RNF13: variants seen among roughly 807,000 people sequenced by gnomAD.
The protein encoded by RNF13 is ring finger protein 13, also known as E3 ubiquitin-protein ligase RNF13.
A neutral mutation model predicts 37.7 loss-of-function variants in RNF13; 19 were observed. The observed-to-expected ratio is 0.50, with a 90% CI of 0.35 to 0.74. The LOEUF is 0.74. Among genes scored for constraint, RNF13 ranks in the 30% least tolerant of loss-of-function variants. The pLI is 0.01. For synonymous variants in RNF13, 144 were observed against 157.8 expected, an observed-to-expected ratio of 0.91 and a Z score of 0.65; for missense variants, 375 against 453.0, an observed-to-expected ratio of 0.83 and a Z score of 1.56.
chr3:149,813,645 C>T (rs1719131243), intron 1 of RNF13, among the ~76,000 whole-genome samples: 1 of 152,164 alleles, frequency 6.6e-6, no homozygotes, highest in Admixed American at 6.5e-5. Context: ...CAAGAGCCTG[C>T]CTGGAAAACA....
intron 1 of RNF13, among the ~76,000 whole-genome samples, chr3:149,839,969 T>C (rs1355712816): frequency 6.6e-6 from 1 of 152,216 alleles, no homozygotes; most frequent in East Asian, 1.9e-4. Flanking sequence ...TTGTAGAAAT[T>C]GGGGCATTAC....
chr3:149,902,753 C>A (rs1338455472), intron 6 of RNF13, among the ~76,000 whole-genome samples: 3 of 152,120 alleles, frequency 2.0e-5, no homozygotes, highest in African/African-American at 7.2e-5. Context: ...ACAATAAACA[C>A]TTCAGAACTT....
At chr3:149,884,540 T>G (rs1260398892) in intron 4 of RNF13, among the ~76,000 whole-genome samples, 2 of 152,182 alleles carry the variant, frequency 1.3e-5, no homozygotes, top group East Asian at 1.9e-4. Flanking sequence ...ACTGTATGCA[T>G]GCATATGCCA....
intron 4 of RNF13, among the ~76,000 whole-genome samples, chr3:149,891,563 G>A (rs16862286): frequency 0.042 from 6,398 of 152,276 alleles, 182 homozygotes; most frequent in African/African-American, 0.075. Context: ...CCTGGTCTAT[G>A]TAATTTAGTT....
intron 1 of RNF13, among the ~76,000 whole-genome samples, chr3:149,816,400 C>T (rs1312647264): frequency 6.6e-6 from 1 of 152,074 alleles, no homozygotes; most frequent in Non-Finnish European, 1.5e-5. Flanking sequence ...TTGCTGGTGA[C>T]CTTGGGGAAG....
chr3:149,826,978 G>A (rs1489040533), intron 1 of RNF13, among the ~76,000 whole-genome samples: 1 of 152,104 alleles, frequency 6.6e-6, no homozygotes, highest in African/African-American at 2.4e-5. Flanking sequence ...GGGTGGTCTT[G>A]AACTCCTGGG....
At chr3:149,860,270 AATATATATAT>A (rs1186058605) in intron 3 of RNF13, among the ~76,000 whole-genome samples, 13 of 104,096 alleles carry the variant, frequency 1.2e-4, no homozygotes, top group African/African-American at 5.1e-4. Flanking sequence ...AAAAAAAAAA[AATATATATAT>A]ATATATATAT....
At chr3:149,817,519 A>G (rs1404673700) in intron 1 of RNF13, among the ~76,000 whole-genome samples, 1 of 152,150 alleles carries the variant, frequency 6.6e-6, no homozygotes, top group Non-Finnish European at 1.5e-5. Flanking sequence ...TGTTATTTTT[A>G]TTATCCTGTC....
chr3:149,865,672 TG>T (rs1330322762), intron 3 of RNF13, among the ~76,000 whole-genome samples: 1 of 152,166 alleles, frequency 6.6e-6, no homozygotes, highest in African/African-American at 2.4e-5. Flanking sequence ...TGTATTTTTC[TG>T]TAAACAAAAA....
chr3:149,911,964 T>C lies in RNF13; in HGVS notation c.501-14T>C. The C allele has an allele frequency of 7.7e-7, 1 of 1,298,918 alleles. No homozygotes were observed. The highest frequency in any genetic ancestry group is 2.3e-5 in the East Asian group (1 of 43,348). The allele number at this position is 1,298,918 out of a possible 1,614,324, so 80.5% of individuals were successfully genotyped here. A position where few individuals can be genotyped will look rare whatever the true frequency, so the allele number is the denominator to read the frequency against. ...CTCTTCATTTCTCAATTATTGATTTTTGTTTTCTTCTAGGGGCCACCTTAT... is the reference window on the plus strand; with the variant it reads ...CTCTTCATTTCTCAATTATTGATTTCTGTTTTCTTCTAGGGGCCACCTTAT... On this transcript the variant is annotated splice_polypyrimidine_tract_variant and intron_variant, in intron 6 of 9. Transcript: ENST00000392894.
intron 8 of RNF13, among the ~76,000 whole-genome samples, chr3:149,953,191 C>T (rs1300879469): frequency 6.6e-6 from 1 of 151,876 alleles, no homozygotes; most frequent in Admixed American, 6.6e-5. Flanking sequence ...TGGGTTTTAA[C>T]TTAAATGGAT....
chr3:149,821,885 C>T (rs1720027610), intron 1 of RNF13, among the ~76,000 whole-genome samples: 1 of 152,248 alleles, frequency 6.6e-6, no homozygotes, highest in East Asian at 1.9e-4. Context: ...TGTCCCGGCA[C>T]CACTTGTTGA....
rs1224052862 is a variant in RNF13 at position 149,860,269 on chromosome 3, AAAT to A, written c.195+7675_195+7677del. 6.9e-3 allele frequency among the ~76,000 whole-genome samples: 693 copies of A among 100,290 alleles called. 5 individuals carry two copies. Among genetic ancestry groups the A allele is most frequent in the African/African-American group, 0.015 (423 of 28,406 alleles). The allele number at this position is 100,290 out of a possible 152,430, so 65.8% of individuals were successfully genotyped here. On this transcript the variant is annotated intron_variant, in intron 3 of 9. Coordinates refer to ENST00000392894, the MANE Select transcript of RNF13 (RefSeq NM_183381.3). ...AGAGACTCCATCTAAAAAAAAAAAA[AAAT>A]ATATATATATATATATATATATATA...
intron 3 of RNF13, among the ~76,000 whole-genome samples, chr3:149,867,244 A>G (rs917872426): frequency 4.0e-5 from 6 of 151,708 alleles, no homozygotes; most frequent in African/African-American, 1.5e-4. Flanking sequence ...CCTTTATCAT[A>G]TATAGTGACC....
chr3:149,912,912 T>C (rs1281823757), intron 7 of RNF13, among the ~76,000 whole-genome samples: 1 of 152,158 alleles, frequency 6.6e-6, no homozygotes, highest in Admixed American at 6.5e-5. Context: ...GGCTACATGA[T>C]GTGCAATATC....
intron 3 of RNF13, among the ~76,000 whole-genome samples, chr3:149,855,786 A>G (rs1265925042): frequency 6.6e-6 from 1 of 152,112 alleles, no homozygotes; most frequent in Non-Finnish European, 1.5e-5. Context: ...TTAACACTGT[A>G]GGAGAATACT....
At chr3:149,934,295 CAA>C (rs1236126133) in intron 8 of RNF13, among the ~76,000 whole-genome samples, 1 of 151,706 alleles carries the variant, frequency 6.6e-6, no homozygotes, top group Non-Finnish European at 1.5e-5. Flanking sequence ...TTTATCTTTT[CAA>C]AAAACAATTT....
intron 8 of RNF13, among the ~76,000 whole-genome samples, chr3:149,947,145 A>G (rs1271449937): frequency 6.6e-5 from 10 of 152,156 alleles, no homozygotes; most frequent in Admixed American, 6.5e-5. Context: ...TATGACTTCA[A>G]TCTTCTTACA....
chr3:149,858,405 A>G (rs1369566485), intron 3 of RNF13, among the ~76,000 whole-genome samples: 1 of 152,234 alleles, frequency 6.6e-6, no homozygotes, highest in Non-Finnish European at 1.5e-5. Flanking sequence ...AAGCTTCTCC[A>G]GATTTCTTGT....
Sources: gnomAD v4.1 joint callset for allele counts (sites outside exome capture counted in the v4.1 genomes callset) on GRCh38, gnomAD v4.1.1 for gene constraint, MANE v1.5 for transcripts, NCBI Gene and HGNC (gene_info 2026-07-23, HGNC 2026-07-21) for gene names.